CASP8: variants seen among roughly 807,000 people sequenced by gnomAD.
CASP8 encodes caspase 8, also known as caspase-8.
Under a neutral mutation model 46.3 loss-of-function variants are expected in CASP8, and 24 were observed. The observed-to-expected ratio is 0.52, with a 90% CI of 0.38 to 0.73. The LOEUF (loss-of-function observed/expected upper bound fraction) is 0.73. Ranked by LOEUF, CASP8 falls within the 30% of genes least tolerant of loss-of-function variation. The probability of loss-of-function intolerance (pLI) is 0.00; values close to 1 mark genes in which losing one functional copy is unlikely to be tolerated. For missense variants in CASP8, 460 were observed against 559.0 expected (o/e 0.82, Z 1.79); for synonymous variants, 188 against 200.4 (o/e 0.94, Z 0.52).
In CASP8 at chr2:201,266,934, A is replaced by T; in HGVS notation, c.305+143A>T. ...CAATTCTAAGCTTCTACAGAAAGAC[A>T]GTAGTGCCTTGGGTGGTCCTGCTAA... On this transcript the variant is annotated intron_variant, in intron 2 of 8. Coordinates refer to ENST00000673742, the MANE Select transcript of CASP8 (RefSeq NM_001372051.1). This position sits in a 1 kb window ranked among gnomAD's most constrained non-coding sequence, Gnocchi z 5.7. 1 of 622,926 alleles carries T rather than the reference A, an allele frequency of 1.6e-6. No individual in the cohort carries two copies. The allele number at this position is 622,926 out of a possible 1,614,324, so 38.6% of individuals were successfully genotyped here.
chr2:201,268,909 T>TGTG (rs1363930678), intron 2 of CASP8, among the ~76,000 whole-genome samples: 7 of 131,534 alleles, frequency 5.3e-5, no homozygotes, highest in Non-Finnish European at 1.1e-4. Context: ...GGCCTCATCT[T>TGTG]TGTGTGTGTG....
In CASP8 at chr2:201,286,562, C is replaced by T. The variant is rs2125512345; in HGVS notation, c.1408C>T (p.Leu470=). ...ACAGATGCCTCAGCCTACTTTCACA[C>T]TAAGAAAAAAACTTGTCTTCCCTTC... is the stretch of plus-strand genomic sequence containing the variant. The part of the protein sequence containing the change: ...GKQMPQPTFT[L]RKKLVFPSD The change falls in exon 9 of 9, where the codon CTA becomes TTA. Residue 470 remains leucine, a synonymous_variant. Coordinates refer to ENST00000673742, the MANE Select transcript of CASP8 (RefSeq NM_001372051.1). 1.2e-6 allele frequency: 2 copies of T among 1,614,010 alleles called. No homozygotes were observed. Among genetic ancestry groups the T allele is most frequent in the Non-Finnish European group, 1.7e-6 (2 of 1,179,914 alleles).
At chr2:201,249,820 A>T (rs953548331) in intron 2 of CASP8, among the ~76,000 whole-genome samples, 3 of 152,238 alleles carry the variant, frequency 2.0e-5, no homozygotes, top group African/African-American at 7.2e-5. Context: ...CGTTATTAAC[A>T]TCTTGCATTA....
chr2:201,258,400 A>G (rs1358793836), upstream of CASP8: 1 of 1,613,816 alleles, frequency 6.2e-7, no homozygotes, highest in East Asian at 2.2e-5. Flanking sequence ...CCTGTTGCCA[A>G]GGTGGCCTCT....
In CASP8 at chr2:201,286,893, A is replaced by G. The variant is rs1949590412; in HGVS notation, c.*299A>G. 2.7e-6 allele frequency: 1 copy of G among 370,728 alleles called. No homozygotes were observed. Among genetic ancestry groups the G allele is most frequent in the Non-Finnish European group, 5.2e-6 (1 of 192,868 alleles). The allele number at this position is 370,728 out of a possible 1,614,324, so 23.0% of individuals were successfully genotyped here. A position where few individuals can be genotyped will look rare whatever the true frequency, so the allele number is the denominator to read the frequency against. ...CTCGGCCTCCCAAAGTGCTGGGATT[A>G]CAGGCGTGAGCCACCGCGCCTGGCC... On this transcript the variant is annotated 3_prime_UTR_variant, in exon 9 of 9. Coordinates refer to ENST00000673742, the MANE Select transcript of CASP8 (RefSeq NM_001372051.1).
At chr2:201,253,953 C>T (rs976025024) in intron 2 of CASP8, among the ~76,000 whole-genome samples, 16 of 152,000 alleles carry the variant, frequency 1.1e-4, no homozygotes, top group African/African-American at 2.2e-4. Context: ...TGGTGGCACA[C>T]ACCTGTAATC....
Position 201,271,697 on chromosome 2 carries a change from G to A in CASP8, c.411+76G>A, listed in dbSNP as rs545229788. 4.4e-6 allele frequency: 4 copies of A among 916,412 alleles called. No individual in the cohort carries two copies. The Admixed American group carries it at 5.2e-5, about 12-fold the overall frequency. The allele number at this position is 916,412 out of a possible 1,614,324, so 56.8% of individuals were successfully genotyped here. A position where few individuals can be genotyped will look rare whatever the true frequency, so the allele number is the denominator to read the frequency against. The stretch of plus-strand genomic sequence containing the variant: ...GGGGCATTTCTGAGACCAAAGAGAG[G>A]GGTATTTTGGTAAAAGCAACCTGGA... On this transcript the variant is annotated intron_variant, in intron 3 of 8. Coordinates refer to ENST00000673742, the MANE Select transcript of CASP8 (RefSeq NM_001372051.1).
chr2:201,237,085 A>ATT (rs34775964), intron 2 of CASP8, among the ~76,000 whole-genome samples: 6,102 of 88,026 alleles, frequency 0.069, 460 homozygotes, highest in African/African-American at 0.14. Context: ...ACCCCTTTCT[A>ATT]TTTTTTTTTT....
chr2:201,242,705 A>C (rs1946354174), intron 2 of CASP8: 1 of 152,240 alleles, frequency 6.6e-6, no homozygotes, highest in Non-Finnish European at 1.5e-5. Flanking sequence ...AAGTATAAAA[A>C]GGACCACAAA....
At position 201,284,675 on chromosome 2, in the gene CASP8, A is replaced by T. The variant is rs1408685415; in HGVS notation, c.803-141A>T. The T allele has an allele frequency of 8.2e-5, 26 of 317,828 alleles. No homozygotes were observed. The African/African-American group carries it at 1.0e-3, about 13-fold the overall frequency. 19.7% of individuals were successfully genotyped at this position (317,828 alleles called of 1,614,324 possible). A position where few individuals can be genotyped will look rare whatever the true frequency, so the allele number is the denominator to read the frequency against. On this transcript the variant is annotated intron_variant, in intron 7 of 8. Coordinates refer to ENST00000673742, the MANE Select transcript of CASP8 (RefSeq NM_001372051.1). Reference sequence around the variant, plus strand: ...ATGAGAGGGAGAGGGAGACGGGGAGAGGGAGAGGGAGAGGGAGACGGGGAG... The same window carrying T: ...ATGAGAGGGAGAGGGAGACGGGGAGTGGGAGAGGGAGAGGGAGACGGGGAG...
At chr2:201,250,936 C>A (rs1286757981) in intron 2 of CASP8, among the ~76,000 whole-genome samples, 1 of 152,232 alleles carries the variant, frequency 6.6e-6, no homozygotes, top group African/African-American at 2.4e-5. Context: ...TTCACACTTC[C>A]TCCCCTGAGT....
At chr2:201,235,471 A>G (rs1200855369) in intron 2 of CASP8, among the ~76,000 whole-genome samples, 1 of 152,168 alleles carries the variant, frequency 6.6e-6, no homozygotes, top group Non-Finnish European at 1.5e-5. Flanking sequence ...TCGTGGCATC[A>G]ATTCACTTTT....
At chr2:201,249,914 T>C (rs935050217) in intron 2 of CASP8, among the ~76,000 whole-genome samples, 1 of 152,180 alleles carries the variant, frequency 6.6e-6, no homozygotes, top group Non-Finnish European at 1.5e-5. Flanking sequence ...CCTTCTAAGT[T>C]CATGGCTGAG....
intron 1 of CASP8, among the ~76,000 whole-genome samples, chr2:201,264,225 A>G (rs1035229420): frequency 1.3e-5 from 2 of 152,154 alleles, no homozygotes; most frequent in African/African-American, 2.4e-5. Context: ...CTCTTTCGTT[A>G]TTTCAAGGAA....
chr2:201,252,864 C>G (rs1033138504), intron 2 of CASP8, among the ~76,000 whole-genome samples: 1 of 152,038 alleles, frequency 6.6e-6, no homozygotes, highest in African/African-American at 2.4e-5. Context: ...TTGTTACTAC[C>G]ACAGATACTC....
At chr2:201,254,961 C>G (rs1576253030) in intron 2 of CASP8, among the ~76,000 whole-genome samples, 1 of 152,264 alleles carries the variant, frequency 6.6e-6, no homozygotes, top group East Asian at 1.9e-4. Context: ...CTGATATAAA[C>G]AGTCACACAG....
chr2:201,261,150 T>C (rs942820732), intron 1 of CASP8, among the ~76,000 whole-genome samples: 1 of 152,116 alleles, frequency 6.6e-6, no homozygotes, highest in Non-Finnish European at 1.5e-5. Context: ...CCCAGCACTT[T>C]GGGAGGTCGA....
Position 201,266,871 on chromosome 2 carries a change from T to A in CASP8, c.305+80T>A. 9.6e-7 allele frequency: 1 copy of A among 1,042,180 alleles called. No homozygotes were observed. The highest frequency in any genetic ancestry group is 1.4e-6 in the Non-Finnish European group (1 of 714,200). The allele number at this position is 1,042,180 out of a possible 1,614,324, so 64.6% of individuals were successfully genotyped here. ...CTGAGCTGATTGGGGCTTTTTTTTG[T>A]GGTACCCTGCCTAGTGCCTGGGAAC... On this transcript the variant is annotated intron_variant, in intron 2 of 8. Coordinates refer to ENST00000673742, the MANE Select transcript of CASP8 (RefSeq NM_001372051.1). The surrounding 1 kb of genome is among the most constrained non-coding windows in gnomAD (Gnocchi z 5.7).
At chr2:201,265,640 C>T (rs1947759083) in intron 1 of CASP8, among the ~76,000 whole-genome samples, 1 of 152,112 alleles carries the variant, frequency 6.6e-6, no homozygotes, top group Non-Finnish European at 1.5e-5. Context: ...CTCATCACCT[C>T]CAGGACAAAG....
Sources: allele counts gnomAD v4.1 joint callset (sites outside exome capture counted in the v4.1 genomes callset), GRCh38; gene constraint gnomAD v4.1.1; non-coding constraint Gnocchi (gnomAD v3.1); transcripts MANE v1.5; gene names NCBI Gene and HGNC (gene_info 2026-07-23, HGNC 2026-07-21).